KIF5A: variants seen among roughly 807,000 people sequenced by gnomAD.
KIF5A encodes kinesin family member 5A, also known as kinesin heavy chain isoform 5A.
In KIF5A, 35 loss-of-function variants were observed where a neutral mutation model predicts 141.3. The observed-to-expected ratio is 0.25, with a 90% CI of 0.19 to 0.33. The LOEUF is 0.33. KIF5A is among the 10% of genes least tolerant of loss of function. The pLI is 1.00. For synonymous variants in KIF5A, 448 were observed against 500.2 expected, an observed-to-expected ratio of 0.90 and a Z score of 1.39; for missense variants, 861 against 1,314.3, an observed-to-expected ratio of 0.66 and a Z score of 5.33.
chr12:57,564,378 C>T, intron 4 of KIF5A, 82 bp from the exon 5 acceptor site: 1 of 1,137,230 alleles, frequency 8.8e-7, no homozygotes, highest in Non-Finnish European at 1.3e-6. Context: ...ACCGTTTGAG[C>T]AGGTCACATT....
chr12:57,554,071 A>G (rs1881660614), intron 1 of KIF5A, among the ~76,000 whole-genome samples: 1 of 152,194 alleles, frequency 6.6e-6, no homozygotes, highest in African/African-American at 2.4e-5. Flanking sequence ...AAATACTTGG[A>G]AAAATGCCCA....
rs1252222209 is a variant in KIF5A at position 57,569,305 on chromosome 12, ACT to A, written c.875_876del (p.Leu292ArgfsTer18). The A allele has an allele frequency of 6.2e-7, 1 of 1,608,906 alleles. No homozygotes were observed. Among genetic ancestry groups the A allele is most frequent in the East Asian group, 2.2e-5 (1 of 44,666 alleles). ...AGCAAAATGACAAGGATTCTCCAGG[ACT>A]CTCTCGGGGGAAACTGCCGGACGAC... On this transcript the variant is annotated frameshift_variant, in exon 10 of 29. Transcript: ENST00000455537. LOFTEE classifies it high-confidence loss of function.
chr12:57,567,986 G>A (rs1882121975), intron 8 of KIF5A, among the ~76,000 whole-genome samples: 1 of 151,442 alleles, frequency 6.6e-6, no homozygotes, highest in East Asian at 1.9e-4. Context: ...AGGTTCAAGT[G>A]ATTTTCCTGC....
At chr12:57,579,715 C>T (rs1405415805) in intron 23 of KIF5A, among the ~76,000 whole-genome samples, 3 of 152,224 alleles carry the variant, frequency 2.0e-5, no homozygotes, top group Non-Finnish European at 4.4e-5. Context: ...CTTTCCCTCT[C>T]TGTCCAAATC....
At chr12:57,567,730 T>G in intron 8 of KIF5A, 112 bp downstream of exon 8, 4 of 1,123,524 alleles carry the variant, frequency 3.6e-6, no homozygotes, top group Non-Finnish European at 3.7e-6. Flanking sequence ...GCACGATCTC[T>G]GTTCACTGCA....
rs778569432 is a variant in KIF5A, at chr12:57,577,671, T to C, written c.2301-42T>C. 6 of 1,472,260 alleles carry C rather than the reference T, an allele frequency of 4.1e-6. No homozygotes were observed. The East Asian group carries it at 6.8e-5, about 17-fold the overall frequency. 91.2% of individuals were successfully genotyped at this position (1,472,260 alleles called of 1,614,324 possible). A position where few individuals can be genotyped will look rare whatever the true frequency, so the allele number is the denominator to read the frequency against. On this transcript the variant is annotated intron_variant, in intron 20 of 28. Transcript: ENST00000455537. ...GAGGAAGAGGCAGGAGGAAGGAGAGTCCTGAGGGATCTTTCCATTTCCCTT... is the reference window on the plus strand; with the variant it reads ...GAGGAAGAGGCAGGAGGAAGGAGAGCCCTGAGGGATCTTTCCATTTCCCTT...
At chr12:57,583,026 TCAGAG>T (rs1189467717) in intron 27 of KIF5A, 70 bp from the exon 28 acceptor site, 3 of 1,239,162 alleles carry the variant, frequency 2.4e-6, no homozygotes, top group Non-Finnish European at 3.5e-6. Context: ...AGGGACACTC[TCAGAG>T]CAGAGTAACC....
intron 1 of KIF5A, among the ~76,000 whole-genome samples, chr12:57,560,143 T>C (rs1004547387): frequency 6.6e-6 from 1 of 152,192 alleles, no homozygotes; most frequent in Non-Finnish European, 1.5e-5. Context: ...CTGCCTGCCT[T>C]GGCCTCCCAA....
chr12:57,571,066 G>A (rs1010077209), intron 12 of KIF5A, among the ~76,000 whole-genome samples: 65 of 150,914 alleles, frequency 4.3e-4, no homozygotes, highest in Admixed American at 3.4e-3. Flanking sequence ...CTTTCAATGC[G>A]CTGGGATTAA....
At chr12:57,575,970 A>G (rs1040583953) in intron 17 of KIF5A, 117 bp from the exon 18 acceptor site, 3 of 1,044,362 alleles carry the variant, frequency 2.9e-6, no homozygotes, top group African/African-American at 1.6e-5. Flanking sequence ...CAGTCCTAAC[A>G]CAGAAGAACA....
At chr12:57,570,579 G>A (rs1231037668) in intron 12 of KIF5A, among the ~76,000 whole-genome samples, 1 of 151,266 alleles carries the variant, frequency 6.6e-6, no homozygotes, top group Non-Finnish European at 1.5e-5. Context: ...TTGTATTTTT[G>A]GTAGAAACGG....
At chr12:57,570,675 G>A (rs1882225305) in intron 12 of KIF5A, among the ~76,000 whole-genome samples, 2 of 152,110 alleles carry the variant, frequency 1.3e-5, no homozygotes, top group South Asian at 4.2e-4. Flanking sequence ...GTGAGCCACC[G>A]TGCCCGGCCT....
intron 1 of KIF5A, among the ~76,000 whole-genome samples, chr12:57,554,606 T>C (rs1246717674): frequency 6.6e-6 from 1 of 152,214 alleles, no homozygotes; most frequent in Admixed American, 6.5e-5. Flanking sequence ...TATGTTGCTA[T>C]AAAGGAATAC....
chr12:57,563,791 TC>T, intron 3 of KIF5A, 98 bp downstream of exon 3: 2 of 1,126,398 alleles, frequency 1.8e-6, no homozygotes, highest in Non-Finnish European at 2.7e-6. Context: ...GATTGCCTGG[TC>T]CAGAGGCAGA....
intron 1 of KIF5A, among the ~76,000 whole-genome samples, chr12:57,562,126 A>C (rs1881925849): frequency 6.6e-6 from 1 of 152,198 alleles, no homozygotes; most frequent in Non-Finnish European, 1.5e-5. Flanking sequence ...AGTTGTAAGT[A>C]TTTTGTGTCT....
chr12:57,564,333 G>T, intron 4 of KIF5A, 121 bp downstream of exon 4: 1 of 1,083,670 alleles, frequency 9.2e-7, no homozygotes, highest in African/African-American at 1.5e-5. Flanking sequence ...AGAGTTCTTT[G>T]TCAAGATGTT....
At chr12:57,564,031 G>A (rs888169392) in intron 3 of KIF5A, 77 bp from the exon 4 acceptor site, 9 of 999,338 alleles carry the variant, frequency 9.0e-6, no homozygotes, top group Non-Finnish European at 1.4e-5. Flanking sequence ...TCTTGCCTTG[G>A]TGTTCACCTG....
chr12:57,558,202 C>T (rs563566153), intron 1 of KIF5A, among the ~76,000 whole-genome samples: 13 of 151,958 alleles, frequency 8.6e-5, no homozygotes, highest in Non-Finnish European at 1.9e-4. Context: ...GTCAGGAGTT[C>T]GAGACCAGCC....
Position 57,572,695 on chromosome 12 carries a change from G to A in KIF5A, c.1685G>A (p.Ser562Asn), listed in dbSNP as rs2140165648. ...NGLMKDLSEF[S>N]VIVGNGEIKL... is the part of the protein sequence containing the mutation. ...CTGATGAAGGATCTGAGCGAGTTCA[G>A]TGTCATTGTGGGCAACGGGGAGATT... The change falls in exon 15 of 29, where the codon AGT (serine) becomes AAT (asparagine). Residue 562 changes from serine to asparagine, a missense_variant. By Grantham distance (46) the Ser-to-Asn change is conservative (BLOSUM62 1). Around this residue, in one of 5 missense-constraint regions of KIF5A, gnomAD observed 482 missense variants for 661.3 expected, o/e 0.73. Transcript: ENST00000455537. This position sits in a 1 kb window ranked among gnomAD's most constrained non-coding sequence, Gnocchi z 4.2. 1 of 1,614,248 alleles carries A rather than the reference G, an allele frequency of 6.2e-7. No homozygotes were observed. The highest frequency in any genetic ancestry group is 1.1e-5 in the South Asian group (1 of 91,088).
Sources: gnomAD v4.1 joint callset for allele counts (sites outside exome capture counted in the v4.1 genomes callset) on GRCh38, gnomAD v4.1.1 for gene constraint, gnomAD v4.1.1 regional missense constraint, Gnocchi (gnomAD v3.1) non-coding constraint, MANE v1.5 for transcripts, NCBI Gene and HGNC (gene_info 2026-07-23, HGNC 2026-07-21) for gene names.